Variants in C13orf42 observed in about 807,000 individuals in gnomAD.
C13orf42 encodes uncharacterized protein C13orf42.
At chr13:51,151,030 C>T (rs1228677911) in intron 1 of C13orf42, among the ~76,000 whole-genome samples, 1 of 152,228 alleles carries the variant, frequency 6.6e-6, no homozygotes, top group Non-Finnish European at 1.5e-5. Flanking sequence ...AGGCCAATCA[C>T]AGGCACAAAT....
intron 1 of C13orf42, among the ~76,000 whole-genome samples, chr13:51,159,543 A>G (rs1173798828): frequency 6.6e-6 from 1 of 152,232 alleles, no homozygotes; most frequent in Non-Finnish European, 1.5e-5. Flanking sequence ...TTGACTTTCA[A>G]AAAACAATCT....
At chr13:51,145,509 T>C (rs1953727413) in intron 1 of C13orf42, among the ~76,000 whole-genome samples, 1 of 152,222 alleles carries the variant, frequency 6.6e-6, no homozygotes, top group African/African-American at 2.4e-5. Flanking sequence ...ATTCATTTTC[T>C]TGTAAAATGC....
chr13:51,152,683 C>A (rs983903344), intron 1 of C13orf42, among the ~76,000 whole-genome samples: 3 of 152,126 alleles, frequency 2.0e-5, no homozygotes, highest in Non-Finnish European at 4.4e-5. Context: ...TGCTTGATGA[C>A]CTCAATCCCA....
chr13:51,102,629 A>T (rs79007278), intron 1 of C13orf42, among the ~76,000 whole-genome samples: 1,967 of 152,330 alleles, frequency 0.013, 39 homozygotes, highest in African/African-American at 0.043. Context: ...ATTCAGGCAG[A>T]CATATCAGAA....
At chr13:51,143,651 C>T (rs771050291) in intron 1 of C13orf42, among the ~76,000 whole-genome samples, 15 of 152,132 alleles carry the variant, frequency 9.9e-5, no homozygotes, top group Non-Finnish European at 2.1e-4. Context: ...AAATAAATGA[C>T]TTTACAATGA....
At chr13:51,097,651 G>A (rs1193813343) in intron 1 of C13orf42, among the ~76,000 whole-genome samples, 2 of 151,940 alleles carry the variant, frequency 1.3e-5, no homozygotes, top group African/African-American at 4.8e-5. Flanking sequence ...TGCAAAATGA[G>A]ATTTCAGTCA....
At chr13:51,107,098 C>A (rs1953366035) in intron 1 of C13orf42, among the ~76,000 whole-genome samples, 1 of 152,204 alleles carries the variant, frequency 6.6e-6, no homozygotes, top group African/African-American at 2.4e-5. Flanking sequence ...TCTAGTGTGT[C>A]CTGACTTCCT....
intron 1 of C13orf42, among the ~76,000 whole-genome samples, chr13:51,140,753 G>A (rs1953689686): frequency 6.6e-6 from 1 of 152,140 alleles, no homozygotes; most frequent in Non-Finnish European, 1.5e-5. Context: ...CCTTTATGGA[G>A]TTTGAGCTTG....
intron 1 of C13orf42, among the ~76,000 whole-genome samples, chr13:51,139,144 C>T (rs1005281923): frequency 1.3e-5 from 2 of 152,008 alleles, no homozygotes; most frequent in African/African-American, 4.8e-5. Context: ...TGGTGAAACC[C>T]CGTCTCTACT....
intron 1 of C13orf42, among the ~76,000 whole-genome samples, chr13:51,152,723 A>C (rs1056109374): frequency 3.3e-5 from 5 of 152,182 alleles, no homozygotes; most frequent in African/African-American, 1.2e-4. Context: ...CTAAATCTTC[A>C]AATCACTGAG....
chr13:51,118,209 G>C (rs1157864176), intron 1 of C13orf42, among the ~76,000 whole-genome samples: 1 of 152,164 alleles, frequency 6.6e-6, no homozygotes, highest in African/African-American at 2.4e-5. Flanking sequence ...AAGGAGAAGG[G>C]AAATAAGATG....
In C13orf42 at chr13:51,139,242, G is replaced by A. The variant is rs111965060; in HGVS notation, n.137-26020C>T. ...AGGCAGGAGAATTGCTTTAACCTGG[G>A]AGGCGGAGGTTGCAGTCAGCCAAGA... On this transcript the variant is annotated intron_variant and non_coding_transcript_variant, in intron 1 of 4. Transcript: ENST00000433280. 5.5e-3 allele frequency among the ~76,000 whole-genome samples: 830 copies of A among 152,208 alleles called. 9 individuals carry two copies. The highest frequency in any genetic ancestry group is 0.019 in the African/African-American group (779 of 41,502).
intron 1 of C13orf42, among the ~76,000 whole-genome samples, chr13:51,123,123 T>A (rs1239408477): frequency 2.6e-5 from 4 of 152,120 alleles, no homozygotes; most frequent in Non-Finnish European, 1.5e-5. Context: ...TACAAGGCAA[T>A]CTGAAAAAAG....
intron 1 of C13orf42, among the ~76,000 whole-genome samples, chr13:51,163,418 G>A (rs894502708): frequency 6.6e-6 from 1 of 152,152 alleles, no homozygotes; most frequent in African/African-American, 2.4e-5. Context: ...CGATGTCCCA[G>A]AGGTCAAAGA....
At chr13:51,138,430 G>C (rs184843413) in intron 1 of C13orf42, among the ~76,000 whole-genome samples, 1 of 152,130 alleles carries the variant, frequency 6.6e-6, no homozygotes, top group East Asian at 1.9e-4. Context: ...ATAGACATTA[G>C]TCAAAAGAAG....
chr13:51,117,302 C>G (rs898393842), intron 1 of C13orf42, among the ~76,000 whole-genome samples: 2 of 152,112 alleles, frequency 1.3e-5, no homozygotes, highest in African/African-American at 4.8e-5. Flanking sequence ...TTATAGTGCC[C>G]AAAATTGAGT....
At chr13:51,089,830 C>T (rs922147853) in intron 1 of C13orf42, among the ~76,000 whole-genome samples, 5 of 149,644 alleles carry the variant, frequency 3.3e-5, no homozygotes, top group East Asian at 2.0e-4. Flanking sequence ...GTAGAAACCT[C>T]GAGAACAAAG....
intron 1 of C13orf42, among the ~76,000 whole-genome samples, chr13:51,168,071 T>C (rs1464579993): frequency 2.0e-5 from 3 of 152,060 alleles, no homozygotes; most frequent in East Asian, 3.9e-4. Flanking sequence ...CTCTCCAGAG[T>C]TTCATATTTT....
At chr13:51,147,622 G>C (rs1228154392) in intron 1 of C13orf42, among the ~76,000 whole-genome samples, 3 of 152,074 alleles carry the variant, frequency 2.0e-5, no homozygotes, top group African/African-American at 7.2e-5. Context: ...CCAGCTACTC[G>C]GGAGGCTGAG....
Sources: gnomAD v4.1 joint callset for allele counts (sites outside exome capture counted in the v4.1 genomes callset) on GRCh38, gnomAD v4.1.1 for gene constraint, MANE v1.5 for transcripts, NCBI Gene and HGNC (gene_info 2026-07-23, HGNC 2026-07-21) for gene names.